The following ARSJ variants were observed in gnomAD, a reference collection of about 807,000 sequenced individuals.
ARSJ encodes arylsulfatase J.
Under a neutral mutation model 35.9 loss-of-function variants are expected in ARSJ, and 26 were observed. The ratio of observed to expected loss-of-function variants is 0.72; its 90% CI spans 0.53 to 1.00. ARSJ has a LOEUF of 1.00. ARSJ is among the 50% of genes least tolerant of loss of function. The probability of loss-of-function intolerance (pLI) is 0.00; values close to 1 mark genes in which losing one functional copy is unlikely to be tolerated. For synonymous variants in ARSJ, 294 were observed against 267.6 expected, an observed-to-expected ratio of 1.10 and a Z score of -0.96; for missense variants, 667 against 723.6, an observed-to-expected ratio of 0.92 and a Z score of 0.90.
At chr4:113,971,350 C>T (rs1323071027) in intron 1 of ARSJ, among the ~76,000 whole-genome samples, 1 of 152,168 alleles carries the variant, frequency 6.6e-6, no homozygotes, top group East Asian at 1.9e-4. Context: ...CAGCCTTCTG[C>T]GCCTGGATAA....
intron 1 of ARSJ, 117 bp from the exon 2 acceptor site, chr4:113,903,792 A>G: frequency 7.5e-7 from 1 of 1,325,894 alleles, no homozygotes; most frequent in East Asian, 2.5e-5. Context: ...ATTATAATTG[A>G]CCCCAATGAT....
chr4:113,978,584 T>G lies in ARSJ; in HGVS notation c.251A>C (p.Asp84Ala), dbSNP rs1304925812. 1 of 1,614,082 alleles carries G rather than the reference T, an allele frequency of 6.2e-7. No homozygotes were observed. Among genetic ancestry groups the G allele is most frequent in the Non-Finnish European group, 8.5e-7 (1 of 1,180,044 alleles). ...ACCCACATCTCTAAATCCCTGATCA[T>G]CCGCTAGGATGAAAATGAGATGGGG... Reference protein sequence around the residue: ...SQPHLIFILADDQGFRDVGYH... With the variant: ...SQPHLIFILAADQGFRDVGYH... Residue 84 changes from aspartate (D) to alanine (A), a missense_variant, in exon 1 of 2, where the codon GAT (aspartate) becomes GCT (alanine). Coordinates refer to ENST00000315366, the MANE Select transcript of ARSJ (RefSeq NM_024590.4).
Position 113,902,217 on chromosome 4 carries a change from G to C in ARSJ, c.*57C>G. The C allele has an allele frequency of 1.9e-6, 3 of 1,600,364 alleles. No individual in the cohort carries two copies. Among genetic ancestry groups the C allele is most frequent in the Middle Eastern group, 3.3e-4 (2 of 6,060 alleles). On this transcript the variant is annotated 3_prime_UTR_variant, in exon 2 of 2. Transcript: ENST00000315366. Reference sequence around the variant, plus strand: ...GAGCCAAATTTGCTGGTTTACCTAGGAAACAGATGAAAGATAAGAACTGAT... The same window carrying C: ...GAGCCAAATTTGCTGGTTTACCTAGCAAACAGATGAAAGATAAGAACTGAT...
At chr4:113,954,532 A>G (rs1449774608) in intron 1 of ARSJ, among the ~76,000 whole-genome samples, 1 of 152,076 alleles carries the variant, frequency 6.6e-6, no homozygotes, top group Admixed American at 6.6e-5. Context: ...TTGAAATTTC[A>G]TTCTAATTTT....
intron 1 of ARSJ, among the ~76,000 whole-genome samples, chr4:113,939,056 T>TC (rs924280890): frequency 4.0e-5 from 4 of 99,196 alleles, no homozygotes; most frequent in Admixed American, 2.3e-4. Flanking sequence ...ATGCTGTCCC[T>TC]CCCCCCTCCC....
At chr4:113,963,860 A>G (rs728312) in intron 1 of ARSJ, among the ~76,000 whole-genome samples, 16,264 of 152,114 alleles carry the variant, frequency 0.11, 1,085 homozygotes, top group East Asian at 0.22. Context: ...TAACCTTGGG[A>G]GTTTCCTTTA....
intron 1 of ARSJ, among the ~76,000 whole-genome samples, chr4:113,935,283 A>G (rs972459921): frequency 6.6e-6 from 1 of 151,916 alleles, no homozygotes. Flanking sequence ...GTAACCTACA[A>G]AAAGCACTGT....
chr4:113,905,066 G>A (rs1036045590), intron 1 of ARSJ, among the ~76,000 whole-genome samples: 1 of 152,062 alleles, frequency 6.6e-6, no homozygotes, highest in Admixed American at 6.5e-5. Flanking sequence ...TCTTTCCAGT[G>A]GTATTTGCCA....
At position 113,978,798 on chromosome 4, in the gene ARSJ, G is replaced by A; in HGVS notation, c.37C>T (p.Pro13Ser). Residue 13 changes from proline (P) to serine (S), a missense_variant, in exon 1 of 2, where the codon CCT becomes TCT. Transcript: ENST00000315366. ...GGACAGACACAGGCCTGTGGAGAAG[G>A]CGGAGGCGGATGCCCCGCACAGCCC... ...PRGCAGHPPP[P>S]SPQACVCPGK... is the part of the protein sequence containing the mutation. 6.2e-7 allele frequency: 1 copy of A among 1,613,100 alleles called. No homozygotes were observed. The highest frequency in any genetic ancestry group is 8.5e-7 in the Non-Finnish European group (1 of 1,179,494).
At chr4:113,935,831 A>T (rs1201451488) in intron 1 of ARSJ, among the ~76,000 whole-genome samples, 2 of 151,940 alleles carry the variant, frequency 1.3e-5, no homozygotes, top group Non-Finnish European at 2.9e-5. Flanking sequence ...TAAAATATGA[A>T]ATGAAGACCA....
At chr4:113,964,262 TA>T (rs1408621971) in intron 1 of ARSJ, among the ~76,000 whole-genome samples, 2 of 152,076 alleles carry the variant, frequency 1.3e-5, no homozygotes, top group Non-Finnish European at 2.9e-5. Context: ...CTTCCTGATT[TA>T]AACAACACAC....
At chr4:113,956,523 T>C (rs2149278014) in intron 1 of ARSJ, among the ~76,000 whole-genome samples, 1 of 152,208 alleles carries the variant, frequency 6.6e-6, no homozygotes. Context: ...AGACAAAGCC[T>C]ATCTTTTTGA....
At chr4:113,969,056 T>C (rs1379061149) in intron 1 of ARSJ, among the ~76,000 whole-genome samples, 3 of 152,204 alleles carry the variant, frequency 2.0e-5, no homozygotes, top group Admixed American at 6.5e-5. Flanking sequence ...AGATTTTTGA[T>C]TGAAGGAATT....
chr4:113,902,443 G>A lies in ARSJ; in HGVS notation c.1631C>T (p.Pro544Leu), dbSNP rs1314988730. The change falls in exon 2 of 2, where the codon CCT becomes CTT. Residue 544 changes from proline to leucine, a missense_variant. Transcript: ENST00000315366. ...TCCCCAGACCCCTCCATTGAGCCTAGGGTTACTTCTGGGGTCTTTGGGGGG... is the reference window on the plus strand; with the variant it reads ...TCCCCAGACCCCTCCATTGAGCCTAAGGTTACTTCTGGGGTCTTTGGGGGG... ...RYPPKDPRSNPRLNGGVWGPW... is the reference protein window; with the variant it reads ...RYPPKDPRSNLRLNGGVWGPW... The A allele has an allele frequency of 1.2e-6, 2 of 1,613,968 alleles. No individual in the cohort carries two copies. The highest frequency in any genetic ancestry group is 8.5e-7 in the Non-Finnish European group (1 of 1,180,000).
In ARSJ at chr4:113,975,361, C is replaced by A. The variant is rs547820994; in HGVS notation, c.398+3076G>T. On this transcript the variant is annotated intron_variant, in intron 1 of 1. Coordinates refer to ENST00000315366, the MANE Select transcript of ARSJ (RefSeq NM_024590.4). ...ATTCAGATTGTCAACCTTTCCTCCT[C>A]TAAAGTCTGCATAAAACATGTCTAG... is the stretch of plus-strand genomic sequence containing the variant. 2.6e-5 allele frequency among the ~76,000 whole-genome samples: 4 copies of A among 152,276 alleles called. No homozygotes were observed. In the South Asian group the frequency reaches 8.3e-4, roughly 32 times the overall value.
At chr4:113,930,313 G>T (rs1724352871) in intron 1 of ARSJ, among the ~76,000 whole-genome samples, 2 of 152,106 alleles carry the variant, frequency 1.3e-5, no homozygotes, top group South Asian at 2.1e-4. Flanking sequence ...CATGCATCAT[G>T]GGAGAACAAT....
chr4:113,924,066 AAT>A (rs1403326700), intron 1 of ARSJ, among the ~76,000 whole-genome samples: 1 of 107,506 alleles, frequency 9.3e-6, no homozygotes, highest in Non-Finnish European at 1.8e-5. Flanking sequence ...AATATATATA[AAT>A]ATATATAAAT....
intron 1 of ARSJ, among the ~76,000 whole-genome samples, chr4:113,909,834 C>T (rs1333659236): frequency 6.6e-6 from 1 of 152,150 alleles, no homozygotes; most frequent in Non-Finnish European, 1.5e-5. Context: ...AAGACTACTG[C>T]TCAATGTGTC....
chr4:113,905,692 C>CAG (rs374308447), intron 1 of ARSJ, among the ~76,000 whole-genome samples: 9,404 of 49,756 alleles, frequency 0.19, 415 homozygotes, highest in East Asian at 0.28. Context: ...TTTTTTTAGA[C>CAG]AGTCTCGCTC....
Sources: allele counts gnomAD v4.1 joint callset (sites outside exome capture counted in the v4.1 genomes callset), GRCh38; gene constraint gnomAD v4.1.1; transcripts MANE v1.5; gene names NCBI Gene and HGNC (gene_info 2026-07-23, HGNC 2026-07-21).